The following FBRSL1 variants were observed in gnomAD, a reference collection of about 807,000 sequenced individuals.
FBRSL1 encodes fibrosin-1-like protein.
Under a neutral mutation model 89.6 loss-of-function variants are expected in FBRSL1, and 51 were observed. The observed-to-expected ratio is 0.57, with a 90% CI of 0.45 to 0.72. The LOEUF is 0.72. FBRSL1 is among the 30% of genes least tolerant of loss of function. The pLI, the probability that FBRSL1 is intolerant of heterozygous loss-of-function variation, is 0.00. For synonymous variants in FBRSL1, 779 were observed against 681.1 expected, an observed-to-expected ratio of 1.14 and a Z score of -2.24; for missense variants, 1,618 against 1,451.8, an observed-to-expected ratio of 1.11 and a Z score of -1.86.
intron 4 of FBRSL1, among the ~76,000 whole-genome samples, chr12:132,545,060 G>A (rs911578910): frequency 2.0e-5 from 3 of 151,496 alleles, no homozygotes; most frequent in African/African-American, 4.9e-5. Flanking sequence ...TCAGGGCCTC[G>A]CCCAGCATGG....
intron 1 of FBRSL1, among the ~76,000 whole-genome samples, chr12:132,500,803 C>G (rs1165320049): frequency 1.3e-5 from 2 of 152,198 alleles, no homozygotes; most frequent in Non-Finnish European, 2.9e-5. Context: ...TGTGTCCTCA[C>G]AGGGAGCTCA....
At position 132,570,098 on chromosome 12, in the gene FBRSL1, GA is replaced by G; in HGVS notation, c.866del (p.Lys289ArgfsTer138). 1 of 1,485,284 alleles carries G rather than the reference GA, an allele frequency of 6.7e-7. No individual in the cohort carries two copies. Among genetic ancestry groups the G allele is most frequent in the East Asian group, 2.7e-5 (1 of 37,114 alleles). 92.0% of individuals were successfully genotyped at this position (1,485,284 alleles called of 1,614,324 possible). A position where few individuals can be genotyped will look rare whatever the true frequency, so the allele number is the denominator to read the frequency against. ...PGSRANPLVKKEPPAPHRHTP... is the reference protein window; with the variant it reads ...PGSRANPLVKXEPPAPHRHTP... ...GCTCCCGCGCCAATCCCTTGGTGAA[GA>G]AGGAACCCCCCGCCCCGCACCGCCA... On this transcript the variant is annotated frameshift_variant, in exon 7 of 19. Coordinates refer to ENST00000680143, the MANE Select transcript of FBRSL1 (RefSeq NM_001367871.1). LOFTEE classifies it high-confidence loss of function.
intron 9 of FBRSL1, 95 bp from the exon 10 acceptor site, chr12:132,572,192 TC>T: frequency 8.6e-7 from 1 of 1,158,188 alleles, no homozygotes; most frequent in Non-Finnish European, 1.2e-6. Context: ...CACAACGCCG[TC>T]CTGTCACTGC....
chr12:132,574,127 C>T lies in FBRSL1; in HGVS notation c.1568C>T (p.Ala523Val), dbSNP rs976455644. ...ATTGAGGTGGCCCGCCGGGCTGGTG[C>T]GGTTCACACACTCCTGCAGAAAGCG... is the stretch of plus-strand genomic sequence containing the variant. The part of the protein sequence containing the change: ...SPIEVARRAG[A>V]VHTLLQKAPG... The change falls in exon 12 of 19, where the codon GCG becomes GTG. Residue 523 changes from alanine (A) to valine (V), a missense_variant. Physicochemically the swap from Ala to Val is moderately conservative, Grantham distance 64 (BLOSUM62 0). Transcript: ENST00000680143. The T allele has an allele frequency of 1.8e-5, 25 of 1,373,224 alleles. No individual in the cohort carries two copies. The Admixed American group carries it at 4.5e-4, about 25-fold the overall frequency. The allele number at this position is 1,373,224 out of a possible 1,614,324, so 85.1% of individuals were successfully genotyped here.
intron 1 of FBRSL1, among the ~76,000 whole-genome samples, chr12:132,504,608 T>G (rs1436752238): frequency 6.6e-6 from 1 of 152,060 alleles, no homozygotes; most frequent in African/African-American, 2.4e-5. Context: ...ACTGCACACC[T>G]GTGGGGGGTT....
intron 2 of FBRSL1, among the ~76,000 whole-genome samples, chr12:132,515,786 G>T (rs2136728678): frequency 6.6e-6 from 1 of 151,392 alleles, no homozygotes; most frequent in South Asian, 2.1e-4. Flanking sequence ...TGTAGTCCCA[G>T]CTGCTTGGGA....
At chr12:132,511,664 T>C (rs937358300) in intron 2 of FBRSL1, 36 of 985,522 alleles carry the variant, frequency 3.7e-5, no homozygotes, top group Admixed American at 6.1e-5. Flanking sequence ...CTTGCCCAGC[T>C]GGGCTGCCTC....
At chr12:132,500,690 A>T (rs1179206308) in intron 1 of FBRSL1, among the ~76,000 whole-genome samples, 1 of 150,838 alleles carries the variant, frequency 6.6e-6, no homozygotes, top group Non-Finnish European at 1.5e-5. Context: ...TCACACCCTT[A>T]CAGGGATCCC....
intron 4 of FBRSL1, among the ~76,000 whole-genome samples, chr12:132,536,142 G>T (rs1287876802): frequency 1.4e-5 from 2 of 145,604 alleles, no homozygotes; most frequent in African/African-American, 5.2e-5. Flanking sequence ...ACATGATGGT[G>T]TGTGAGTGCA....
At chr12:132,523,514 G>A (rs2035539551) in intron 2 of FBRSL1, among the ~76,000 whole-genome samples, 1 of 152,102 alleles carries the variant, frequency 6.6e-6, no homozygotes, top group Admixed American at 6.5e-5. Context: ...TTGTGTGGGT[G>A]TGAAGTGTAG....
chr12:132,581,203 C>T (rs1162699100), intron 15 of FBRSL1: 1 of 985,340 alleles, frequency 1.0e-6, no homozygotes, highest in East Asian at 1.1e-4. Context: ...TCCCTCCCTG[C>T]CCCCCTTGGG....
rs560711084 is a variant in FBRSL1, at chr12:132,509,760, C to T, written c.489+1410C>T. 104 of 1,231,412 alleles carry T rather than the reference C, an allele frequency of 8.4e-5. 1 individual carries two copies. In the African/African-American group the frequency reaches 1.5e-3, roughly 18 times the overall value. 76.3% of individuals were successfully genotyped at this position (1,231,412 alleles called of 1,614,324 possible). On this transcript the variant is annotated intron_variant, in intron 2 of 18. Transcript: ENST00000680143. ...GGCCAGCCCGTGTCACTGTGGCCAG[C>T]CCGGTAGGGCATCCTCAGGACAGCG...
chr12:132,526,212 C>T (rs976999529), intron 3 of FBRSL1, among the ~76,000 whole-genome samples: 2 of 152,218 alleles, frequency 1.3e-5, no homozygotes, highest in African/African-American at 4.8e-5. Context: ...GGAGGGCAGG[C>T]GGACGGCCGC....
chr12:132,536,407 C>G (rs1031319041), intron 4 of FBRSL1, among the ~76,000 whole-genome samples: 1 of 146,008 alleles, frequency 6.8e-6, no homozygotes, highest in Non-Finnish European at 1.5e-5. Context: ...CAATATGATT[C>G]TGTACATGAT....
In FBRSL1 at chr12:132,571,159, C is replaced by G. The variant is rs1156289456; in HGVS notation, c.1305C>G (p.Leu435=). 1.4e-6 allele frequency: 2 copies of G among 1,414,652 alleles called. No individual in the cohort carries two copies. Among genetic ancestry groups the G allele is most frequent in the East Asian group, 5.1e-5 (2 of 39,092 alleles). 87.6% of individuals were successfully genotyped at this position (1,414,652 alleles called of 1,614,324 possible). Residue 435 remains leucine, a synonymous_variant, in exon 9 of 19, where the codon CTC becomes CTG. Coordinates refer to ENST00000680143, the MANE Select transcript of FBRSL1 (RefSeq NM_001367871.1). ...TTGGTACTTGGTCACAGGCTCCTCT[C>G]TTACCTGCACCCCTGGGCCCGCACG... is the stretch of plus-strand genomic sequence containing the variant. ...ILIGTWSQAP[L]LPAPLGPHVA... is the part of the protein sequence containing the mutation.
In FBRSL1 at chr12:132,581,743, C is replaced by T. The variant is rs984925557; in HGVS notation, c.1915C>T (p.Pro639Ser). ...GGGTCCCGCGGTTGCCCCCACAGAC[C>T]CTTTCAGCAGACCGAGCACCTTTGG... ...SFLPTGPLTD[P>S]FSRPSTFGGL... The change falls in exon 17 of 19, where the codon CCT becomes TCT. Residue 639 changes from proline (P) to serine (S), a missense_variant and splice_region_variant. Pro to Ser is a moderately conservative substitution (Grantham distance 74). Transcript: ENST00000680143. 208 of 1,550,018 alleles carry T rather than the reference C, an allele frequency of 1.3e-4. No homozygotes were observed. Among genetic ancestry groups the T allele is most frequent in the Non-Finnish European group, 1.6e-4 (185 of 1,146,824 alleles).
At chr12:132,497,753 T>C (rs2032280758) in intron 1 of FBRSL1, among the ~76,000 whole-genome samples, 1 of 152,086 alleles carries the variant, frequency 6.6e-6, no homozygotes, top group South Asian at 2.1e-4. Context: ...CTAACCCTTC[T>C]TAGTGGCCCG....
intron 5 of FBRSL1, among the ~76,000 whole-genome samples, chr12:132,550,277 C>G (rs1005776638): frequency 9.8e-6 from 1 of 102,074 alleles, no homozygotes; most frequent in East Asian, 2.4e-4. Flanking sequence ...GGCAGAACTT[C>G]GGGTCACGCC....
chr12:132,502,196 C>T (rs897411694), intron 1 of FBRSL1, among the ~76,000 whole-genome samples: 1 of 152,210 alleles, frequency 6.6e-6, no homozygotes. Flanking sequence ...GCCTGCTTTC[C>T]CCCACCTGCC....
Sources: allele counts gnomAD v4.1 joint callset (sites outside exome capture counted in the v4.1 genomes callset), GRCh38; gene constraint gnomAD v4.1.1; transcripts MANE v1.5; gene names NCBI Gene and HGNC (gene_info 2026-07-23, HGNC 2026-07-21).